SLC26A1: variants seen among roughly 807,000 people sequenced by gnomAD.
SLC26A1 encodes solute carrier family 26 member 1.
Under a neutral mutation model 14.5 loss-of-function variants are expected in SLC26A1, and 18 were observed. That is an observed-to-expected ratio of 1.24 (90% confidence interval 0.86 to 1.84). The LOEUF is 1.84. Ranked by LOEUF, SLC26A1 falls within the 40% of genes most tolerant of loss-of-function variation. The probability of loss-of-function intolerance (pLI) is 0.00; values close to 1 mark genes in which losing one functional copy is unlikely to be tolerated. For missense variants in SLC26A1, 1,049 were observed against 1,020.0 expected, an observed-to-expected ratio of 1.03 and a Z score of -0.39; for synonymous variants, 505 against 492.0, an observed-to-expected ratio of 1.03 and a Z score of -0.35.
chr4:989,686 A>C lies in SLC26A1; in HGVS notation c.1253T>G (p.Val418Gly). Residue 418 changes from valine (V) to glycine (G), a missense_variant, in exon 3 of 3, where the codon GTC (valine) becomes GGC (glycine). Val to Gly is a moderately radical substitution (Grantham distance 109, BLOSUM62 -3). Coordinates refer to ENST00000398516, the MANE Select transcript of SLC26A1 (RefSeq NM_022042.4). ...TGCRTQLSSV[V>G]SATVVLLVLL... ...CACCAGCAGCACCACGGTGGCGCTG[A>C]CCACGCTGGACAGCTGTGTCCGGCA... 6.4e-7 allele frequency: 1 copy of C among 1,564,496 alleles called. No homozygotes were observed. Among genetic ancestry groups the C allele is most frequent in the Non-Finnish European group, 8.7e-7 (1 of 1,155,338 alleles).
downstream of SLC26A1, chr4:987,370 G>A: frequency 3.1e-6 from 3 of 957,292 alleles, no homozygotes; most frequent in African/African-American, 1.7e-5. Context: ...TCCCGGGCCC[G>A]CCCCCCGCCG....
intron 1 of SLC26A1, chr4:992,327 A>C (rs940299728): frequency 2.5e-6 from 1 of 398,126 alleles, no homozygotes; most frequent in South Asian, 1.8e-5. Flanking sequence ...ACCTCCACCC[A>C]CCCCTCTGTC....
chr4:990,630 G>C (rs1714215495), intron 2 of SLC26A1: 1 of 509,824 alleles, frequency 2.0e-6, no homozygotes, highest in Non-Finnish European at 3.5e-6. Flanking sequence ...GTCACGTGCA[G>C]CAGCCCGTTT....
At chr4:981,927 C>T (rs2153013970) in intron 2 of SLC26A1, among the ~76,000 whole-genome samples, 1 of 152,306 alleles carries the variant, frequency 6.6e-6, no homozygotes, top group South Asian at 2.1e-4. Flanking sequence ...TCACGCCATT[C>T]TCCTGCCTCA....
In SLC26A1 at chr4:987,801, G is replaced by A. The variant is rs886180069; in HGVS notation, c.*1032C>T. On this transcript the variant is annotated 3_prime_UTR_variant, in exon 3 of 3. Transcript: ENST00000398516. ...CTCGGGACTGAGCCGCCCCTTTGTTGTCCCCAGCCCCCCGCTGCCACACAG... is the reference window on the plus strand; with the variant it reads ...CTCGGGACTGAGCCGCCCCTTTGTTATCCCCAGCCCCCCGCTGCCACACAG... The A allele has an allele frequency of 1.9e-5, 31 of 1,611,924 alleles. No homozygotes were observed. The African/African-American group carries it at 3.9e-4, about 20-fold the overall frequency.
Position 989,667 on chromosome 4 carries a change from C to G in SLC26A1, c.1272G>C (p.Leu424=), listed in dbSNP as rs1193250313. 2 of 1,577,114 alleles carry G rather than the reference C, an allele frequency of 1.3e-6. No individual in the cohort carries two copies. Among genetic ancestry groups the G allele is most frequent in the Non-Finnish European group, 1.7e-6 (2 of 1,162,442 alleles). Reference sequence around the variant, plus strand: ...GCGGTGCCAGCGCCAGCAGCACCAGCAGCACCACGGTGGCGCTGACCACGC... The same window carrying G: ...GCGGTGCCAGCGCCAGCAGCACCAGGAGCACCACGGTGGCGCTGACCACGC... ...LSSVVSATVV[L]LVLLALAPLF... is the part of the protein sequence containing the mutation. Residue 424 remains leucine, a synonymous_variant, in exon 3 of 3, where the codon CTG becomes CTC. Coordinates refer to ENST00000398516, the MANE Select transcript of SLC26A1 (RefSeq NM_022042.4).
At position 987,667 on chromosome 4, in the gene SLC26A1, T is replaced by A. The variant is rs1713841959; in HGVS notation, c.*1166A>T. On this transcript the variant is annotated 3_prime_UTR_variant, in exon 3 of 3. Transcript: ENST00000398516. ...TGGGACCTCCCCACATTCCTGGCCC[T>A]AAGGGTCATTTTATTAGTCACTGAA... 1.4e-5 allele frequency: 21 copies of A among 1,484,160 alleles called. No homozygotes were observed. The highest frequency in any genetic ancestry group is 1.8e-5 in the Non-Finnish European group (20 of 1,114,442). 91.9% of individuals were successfully genotyped at this position (1,484,160 alleles called of 1,614,324 possible). A position where few individuals can be genotyped will look rare whatever the true frequency, so the allele number is the denominator to read the frequency against.
chr4:980,956 C>T (rs900951805), intron 2 of SLC26A1, among the ~76,000 whole-genome samples: 4 of 152,160 alleles, frequency 2.6e-5, no homozygotes, highest in Admixed American at 6.5e-5. Flanking sequence ...GGGTGCCTCA[C>T]GGCGGGTTTT....
In SLC26A1 at chr4:990,225, C is replaced by T; in HGVS notation, c.714G>A (p.Arg238=). The T allele has an allele frequency of 6.4e-7, 1 of 1,569,202 alleles. No homozygotes were observed. Among genetic ancestry groups the T allele is most frequent in the Non-Finnish European group, 8.6e-7 (1 of 1,158,006 alleles). ...LKHLLGVRIP[R]HQGPGMVVLT... ...GGACCACCATGCCGGGCCCCTGGTG[C>T]CGCGGGATCCGCACGCCCAGCAGGT... The change falls in exon 3 of 3, where the codon CGG becomes CGA. Residue 238 remains arginine (R), a synonymous_variant. Transcript: ENST00000398516.
chr4:987,560 A>G, downstream of SLC26A1: 1 of 1,260,600 alleles, frequency 7.9e-7, no homozygotes, highest in Non-Finnish European at 1.1e-6. Context: ...CCTAGAGCTG[A>G]GGTACCCGCC....
chr4:987,605 C>A (rs549760373), downstream of SLC26A1: 2 of 1,431,728 alleles, frequency 1.4e-6, no homozygotes, highest in Non-Finnish European at 1.8e-6. Flanking sequence ...CTGGCGTTGG[C>A]CCCTCGTCTT....
chr4:990,047 C>A lies in SLC26A1; in HGVS notation c.892G>T (p.Val298Phe), dbSNP rs917513310. 2 of 1,600,572 alleles carry A rather than the reference C, an allele frequency of 1.2e-6. No homozygotes were observed. Among genetic ancestry groups the A allele is most frequent in the Non-Finnish European group, 1.7e-6 (2 of 1,175,588 alleles). Reference sequence around the variant, plus strand: ...GACACGAGTGTGGCCACCACGATGACCAGCAGCTCCGTGGGCAGCGGCACC... The same window carrying A: ...GACACGAGTGTGGCCACCACGATGAACAGCAGCTCCGTGGGCAGCGGCACC... Reference protein sequence around the residue: ...LRVPLPTELLVIVVATLVSHF... With the variant: ...LRVPLPTELLFIVVATLVSHF... The change falls in exon 3 of 3, where the codon GTC (valine) becomes TTC (phenylalanine). Residue 298 changes from valine (V) to phenylalanine (F), a missense_variant. Physicochemically the swap from Val to Phe is conservative, Grantham distance 50. Transcript: ENST00000398516.
intron 2 of SLC26A1, among the ~76,000 whole-genome samples, chr4:980,275 A>C (rs1318032551): frequency 6.6e-6 from 1 of 152,232 alleles, no homozygotes; most frequent in Non-Finnish European, 1.5e-5. Context: ...AAGACGCCCA[A>C]GGCCAGTGCA....
At chr4:983,321 C>T (rs549080070), downstream of SLC26A1, among the ~76,000 whole-genome samples, 21 of 152,344 alleles carry the variant, frequency 1.4e-4, no homozygotes, top group East Asian at 4.0e-3. Flanking sequence ...ACCTAAGCCC[C>T]TTTTCCCCAA....
In SLC26A1 at chr4:991,508, G is replaced by T; in HGVS notation, c.196C>A (p.Arg66=). Reference sequence around the variant, plus strand: ...ATGACGTCGCCTGCCAGGTACTCCCGCGGGCGGTACTGACGCAGCCAGCGC... The same window carrying T: ...ATGACGTCGCCTGCCAGGTACTCCCTCGGGCGGTACTGACGCAGCCAGCGC... ...ATRWLRQYRP[R]EYLAGDVMSG... Residue 66 remains arginine, a synonymous_variant, in exon 2 of 3, where the codon CGG becomes AGG. Coordinates refer to ENST00000398516, the MANE Select transcript of SLC26A1 (RefSeq NM_022042.4). The T allele has an allele frequency of 1.2e-6, 2 of 1,609,720 alleles. No homozygotes were observed. The highest frequency in any genetic ancestry group is 1.3e-5 in the African/African-American group (1 of 75,012).
chr4:983,531 C>A (rs987031155), downstream of SLC26A1, among the ~76,000 whole-genome samples: 1 of 152,254 alleles, frequency 6.6e-6, no homozygotes, highest in African/African-American at 2.4e-5. Context: ...ATGGGCCTCG[C>A]TGGGCTCCCC....
At position 981,260 on chromosome 4, in the gene SLC26A1, C is replaced by A. The variant is rs2153013855; in HGVS notation, c.577-1756G>T. Reference sequence around the variant, plus strand: ...CTCCTACTGACACGCAGTCCAGTATCTTTTCGTTCTTTTTGGGTTCTGGTG... The same window carrying A: ...CTCCTACTGACACGCAGTCCAGTATATTTTCGTTCTTTTTGGGTTCTGGTG... On this transcript the variant is annotated intron_variant, in intron 2 of 2. Transcript: ENST00000398520. Among the ~76,000 whole-genome samples, 3 of 152,368 alleles carry A rather than the reference C, an allele frequency of 2.0e-5. No homozygotes were observed. The East Asian group carries it at 5.8e-4, about 29-fold the overall frequency.
chr4:983,305 G>A (rs530399117), downstream of SLC26A1, among the ~76,000 whole-genome samples: 19 of 152,322 alleles, frequency 1.2e-4, no homozygotes, highest in South Asian at 2.1e-4. Context: ...CAGGCAGGTC[G>A]TAGAAACCTA....
At position 989,458 on chromosome 4, in the gene SLC26A1, A is replaced by G; in HGVS notation, c.1481T>C (p.Val494Ala). 6.4e-7 allele frequency: 1 copy of G among 1,553,698 alleles called. No homozygotes were observed. The highest frequency in any genetic ancestry group is 8.7e-7 in the Non-Finnish European group (1 of 1,149,074). ...VSTEAGLLAG[V>A]ILSLLSLAGR... is the part of the protein sequence containing the mutation. Reference sequence around the variant, plus strand: ...GGCCAGGCTGAGCAGCGAGAGGATGACGCCAGCCAGCAGCCCGGCCTCTGT... The same window carrying G: ...GGCCAGGCTGAGCAGCGAGAGGATGGCGCCAGCCAGCAGCCCGGCCTCTGT... Residue 494 changes from valine to alanine, a missense_variant, in exon 3 of 3, where the codon GTC becomes GCC. By Grantham distance (64) the Val-to-Ala change is moderately conservative. Transcript: ENST00000398516.
Sources: allele counts gnomAD v4.1 joint callset (sites outside exome capture counted in the v4.1 genomes callset), GRCh38; gene constraint gnomAD v4.1.1; transcripts MANE v1.5; gene names NCBI Gene and HGNC (gene_info 2026-07-23, HGNC 2026-07-21).